IQCJ: variants seen among roughly 807,000 people sequenced by gnomAD.
IQCJ encodes IQ domain-containing protein J.
A neutral mutation model predicts 11.0 loss-of-function variants in IQCJ; 9 were observed. That is an observed-to-expected ratio of 0.82 (90% CI 0.49 to 1.43). IQCJ has a LOEUF of 1.43. IQCJ is among the 40% of genes most tolerant of loss of function. The probability of loss-of-function intolerance (pLI) is 0.00; values close to 1 mark genes in which losing one functional copy is unlikely to be tolerated. For missense variants in IQCJ, 146 were observed against 133.2 expected (o/e 1.10, Z -0.47); for synonymous variants, 55 against 51.3 (o/e 1.07, Z -0.31).
chr3:159,211,828 A>T (rs867059442), intron 1 of IQCJ, among the ~76,000 whole-genome samples: 3 of 152,004 alleles, frequency 2.0e-5, no homozygotes, highest in Non-Finnish European at 2.9e-5. Flanking sequence ...ATGTAGACAG[A>T]AGAGAAGTTT....
At chr3:159,245,175 A>G (rs1316863200) in intron 1 of IQCJ, among the ~76,000 whole-genome samples, 1 of 152,094 alleles carries the variant, frequency 6.6e-6, no homozygotes, top group African/African-American at 2.4e-5. Flanking sequence ...ACGAGTTACT[A>G]AGAGACAAGA....
chr3:159,079,310 T>C (rs981452455), intron 1 of IQCJ, among the ~76,000 whole-genome samples: 1 of 152,096 alleles, frequency 6.6e-6, no homozygotes, highest in Admixed American at 6.6e-5. Flanking sequence ...AAGGGCAACC[T>C]GATGATCTTC....
chr3:159,084,008 A>C (rs1364196611), intron 1 of IQCJ, among the ~76,000 whole-genome samples: 3 of 152,086 alleles, frequency 2.0e-5, no homozygotes, highest in African/African-American at 7.2e-5. Flanking sequence ...ACATGAACCC[A>C]TATATGTGAT....
intron 1 of IQCJ, among the ~76,000 whole-genome samples, chr3:159,175,473 A>G (rs955721395): frequency 2.0e-5 from 3 of 152,086 alleles, no homozygotes; most frequent in African/African-American, 7.2e-5. Context: ...CCTGTCTCAA[A>G]CAAAACAAAA....
intron 1 of IQCJ, among the ~76,000 whole-genome samples, chr3:159,190,215 C>A (rs181014899): frequency 6.6e-6 from 1 of 152,344 alleles, no homozygotes. Context: ...AACCAAGACT[C>A]TTCTGGATTT....
intron 1 of IQCJ, among the ~76,000 whole-genome samples, chr3:159,237,602 T>G (rs1726670179): frequency 6.6e-6 from 1 of 152,230 alleles, no homozygotes; most frequent in Admixed American, 6.5e-5. Flanking sequence ...ACAGACTTCA[T>G]TTGGAGAAAT....
intron 1 of IQCJ, among the ~76,000 whole-genome samples, chr3:159,157,412 C>T (rs2108212699): frequency 6.6e-6 from 1 of 152,222 alleles, no homozygotes; most frequent in East Asian, 1.9e-4. Flanking sequence ...TTGTCTTTAT[C>T]TTCTTAACAA....
At chr3:159,243,114 A>G (rs1727036260) in intron 1 of IQCJ, among the ~76,000 whole-genome samples, 1 of 152,234 alleles carries the variant, frequency 6.6e-6, no homozygotes, top group Non-Finnish European at 1.5e-5. Flanking sequence ...GGGAATGTAC[A>G]GCAGCTAGAC....
chr3:159,185,734 T>C (rs1298916591), intron 1 of IQCJ, among the ~76,000 whole-genome samples: 2 of 152,188 alleles, frequency 1.3e-5, no homozygotes, highest in Admixed American at 1.3e-4. Flanking sequence ...AGTTCTTCAC[T>C]TGCTGGGGTG....
chr3:159,093,510 G>A (rs900162394), intron 1 of IQCJ, among the ~76,000 whole-genome samples: 1 of 151,768 alleles, frequency 6.6e-6, no homozygotes, highest in Non-Finnish European at 1.5e-5. Flanking sequence ...GCTGTATTGT[G>A]CCTTGCCCTC....
At chr3:159,265,057 T>TA (rs11425712), downstream of IQCJ, among the ~76,000 whole-genome samples, 21,799 of 152,132 alleles carry the variant, frequency 0.14, 1,800 homozygotes, top group Middle Eastern at 0.21. Flanking sequence ...ACATTAAATG[T>TA]AAAAAATAAA....
intron 1 of IQCJ, among the ~76,000 whole-genome samples, chr3:159,112,524 A>C (rs1030177150): frequency 1.3e-5 from 2 of 152,178 alleles, no homozygotes; most frequent in African/African-American, 4.8e-5. Context: ...CTTTGGAAAG[A>C]ACCTTAATAT....
intron 1 of IQCJ, among the ~76,000 whole-genome samples, chr3:159,113,391 A>T (rs2079939449): frequency 6.6e-6 from 1 of 152,182 alleles, no homozygotes; most frequent in South Asian, 2.1e-4. Context: ...CTCAGCGTAG[A>T]CTGTAGATTT....
rs533237561 is a variant in IQCJ at position 159,109,102 on chromosome 3, C to T, written c.9+39661C>T. On this transcript the variant is annotated intron_variant, in intron 1 of 3. Coordinates refer to ENST00000397832, the MANE Select transcript of IQCJ (RefSeq NM_001042706.3). ...ACTGAAAGCTCTAGACATGAGATCTCCAGGCTTATGGCAGCTTGAGCTGAG... is the reference window on the plus strand; with the variant it reads ...ACTGAAAGCTCTAGACATGAGATCTTCAGGCTTATGGCAGCTTGAGCTGAG... Among the ~76,000 whole-genome samples, 33 of 152,292 alleles carry T rather than the reference C, an allele frequency of 2.2e-4. 1 individual carries two copies. The South Asian group carries it at 6.0e-3, about 28-fold the overall frequency.
chr3:159,112,315 C>A (rs1718680445), intron 1 of IQCJ, among the ~76,000 whole-genome samples: 1 of 152,036 alleles, frequency 6.6e-6, no homozygotes, highest in African/African-American at 2.4e-5. Flanking sequence ...TATCCTGACC[C>A]ATAAAATTGG....
intron 1 of IQCJ, among the ~76,000 whole-genome samples, chr3:159,242,542 A>G (rs1726986863): frequency 6.6e-6 from 1 of 151,196 alleles, no homozygotes; most frequent in Admixed American, 6.6e-5. Context: ...GGAAGACCAA[A>G]CATTAAAAGC....
chr3:159,195,915 A>G (rs1723957626), intron 1 of IQCJ, among the ~76,000 whole-genome samples: 1 of 152,238 alleles, frequency 6.6e-6, no homozygotes, highest in African/African-American at 2.4e-5. Context: ...CTTGCATAGG[A>G]TAAACACCCA....
In IQCJ at chr3:159,109,666, GGT is replaced by G. The variant is rs149581432; in HGVS notation, c.9+40240_9+40241del. Among the ~76,000 whole-genome samples the G allele has an allele frequency of 2.9e-3, 436 of 150,706 alleles. 4 individuals carry two copies. Among genetic ancestry groups the G allele is most frequent in the African/African-American group, 0.01 (416 of 41,206 alleles). ...GGATTTTCTTTGGTGTGGGTGTGTG[GGT>G]GTGTGTGTGTGTGTCCTGCACCTTC... is the stretch of plus-strand genomic sequence containing the variant. On this transcript the variant is annotated intron_variant, in intron 1 of 3. Coordinates refer to ENST00000397832, the MANE Select transcript of IQCJ (RefSeq NM_001042706.3).
intron 1 of IQCJ, among the ~76,000 whole-genome samples, chr3:159,219,433 A>T (rs1304594773): frequency 6.6e-6 from 1 of 152,178 alleles, no homozygotes; most frequent in Non-Finnish European, 1.5e-5. Flanking sequence ...CGCCTTCTCT[A>T]TATGGGGATA....
Sources: allele counts gnomAD v4.1 joint callset (sites outside exome capture counted in the v4.1 genomes callset), GRCh38; gene constraint gnomAD v4.1.1; transcripts MANE v1.5; gene names NCBI Gene and HGNC (gene_info 2026-07-23, HGNC 2026-07-21).